The following CPNE8 variants were observed in gnomAD, a reference collection of about 807,000 sequenced individuals.
CPNE8 encodes the protein copine 8.
Under a neutral mutation model 81.5 loss-of-function variants are expected in CPNE8, and 45 were observed. The ratio of observed to expected loss-of-function variants is 0.55; its 90% confidence interval spans 0.44 to 0.71. The LOEUF (loss-of-function observed/expected upper bound fraction) is 0.71. Among genes scored for constraint, CPNE8 ranks in the 30% least tolerant of loss-of-function variants. The pLI, the probability that CPNE8 is intolerant of heterozygous loss-of-function variation, is 0.00. For missense variants in CPNE8, 594 were observed against 672.1 expected (o/e 0.88, Z 1.28); for synonymous variants, 252 against 226.3 (o/e 1.11, Z -1.02).
At chr12:38,710,238 AAT>A (rs1023419780) in intron 13 of CPNE8, among the ~76,000 whole-genome samples, 1 of 138,018 alleles carries the variant, frequency 7.2e-6, no homozygotes, top group African/African-American at 2.6e-5. Flanking sequence ...ATAGTTAGAA[AAT>A]ATATGTGACA....
At chr12:38,738,572 T>C (rs543501700) in intron 10 of CPNE8, among the ~76,000 whole-genome samples, 2 of 152,314 alleles carry the variant, frequency 1.3e-5, no homozygotes, top group Non-Finnish European at 2.9e-5. Context: ...CCTACCACTT[T>C]AGTGACATTT....
intron 14 of CPNE8, among the ~76,000 whole-genome samples, chr12:38,697,893 A>G (rs968480497): frequency 6.6e-6 from 1 of 152,200 alleles, no homozygotes; most frequent in East Asian, 1.9e-4. Flanking sequence ...GGGCCTCACC[A>G]GAAGCCAAGC....
At chr12:38,691,426 G>A (rs183696465) in intron 15 of CPNE8, among the ~76,000 whole-genome samples, 348 of 152,166 alleles carry the variant, frequency 2.3e-3, no homozygotes, top group Non-Finnish European at 3.7e-3. Flanking sequence ...TATGTGACTC[G>A]ATACTCAGTA....
At chr12:38,817,508 C>T (rs1183806198) in intron 6 of CPNE8, among the ~76,000 whole-genome samples, 2 of 151,398 alleles carry the variant, frequency 1.3e-5, no homozygotes, top group Admixed American at 6.6e-5. Flanking sequence ...TCCCTGGGAG[C>T]TCTTCTTGCA....
At chr12:38,799,577 G>T (rs1670817443) in intron 6 of CPNE8, among the ~76,000 whole-genome samples, 1 of 152,072 alleles carries the variant, frequency 6.6e-6, no homozygotes, top group African/African-American at 2.4e-5. Flanking sequence ...AGCACTAAAT[G>T]CCCACAAGAG....
At chr12:38,882,788 A>C (rs755409119) in intron 1 of CPNE8, among the ~76,000 whole-genome samples, 4 of 152,122 alleles carry the variant, frequency 2.6e-5, no homozygotes, top group African/African-American at 9.7e-5. Context: ...TATCCATATT[A>C]TTTCTTACAG....
chr12:38,733,693 T>C (rs541971127), intron 10 of CPNE8, among the ~76,000 whole-genome samples: 1 of 152,082 alleles, frequency 6.6e-6, no homozygotes, highest in African/African-American at 2.4e-5. Flanking sequence ...TTATTACATG[T>C]ATGTGTTATT....
chr12:38,902,381 AAAAG>A lies in CPNE8; in HGVS notation c.98+3052_98+3055del, dbSNP rs1435832986. 2.1e-3 allele frequency among the ~76,000 whole-genome samples: 123 copies of A among 57,718 alleles called. 3 individuals are homozygous for A. Among genetic ancestry groups the A allele is most frequent in the African/African-American group, 3.2e-3 (35 of 11,018 alleles). 37.9% of individuals were successfully genotyped at this position (57,718 alleles called of 152,430 possible). A position where few individuals can be genotyped will look rare whatever the true frequency, so the allele number is the denominator to read the frequency against. ...GAAAGAAAGAAAGAAAGAAAGAAAG[AAAAG>A]AAAGAAAGAGAAAGAAAGAAAGAAA... On this transcript the variant is annotated intron_variant, in intron 1 of 19. Coordinates refer to ENST00000331366, the MANE Select transcript of CPNE8 (RefSeq NM_153634.3).
At chr12:38,781,992 T>A (rs768050770) in intron 6 of CPNE8, among the ~76,000 whole-genome samples, 1 of 152,096 alleles carries the variant, frequency 6.6e-6, no homozygotes, top group Non-Finnish European at 1.5e-5. Flanking sequence ...TCTGAATGAA[T>A]TCTGGTATAA....
At chr12:38,785,496 G>A (rs1262486742) in intron 6 of CPNE8, among the ~76,000 whole-genome samples, 2 of 152,156 alleles carry the variant, frequency 1.3e-5, no homozygotes, top group Non-Finnish European at 2.9e-5. Context: ...TTCCCAGGCT[G>A]TTCTTGTGAT....
intron 8 of CPNE8, among the ~76,000 whole-genome samples, chr12:38,762,425 T>A (rs760956758): frequency 2.7e-4 from 41 of 152,148 alleles, no homozygotes; most frequent in Non-Finnish European, 5.0e-4. Flanking sequence ...CCAAAAACAA[T>A]CTGAAAATTC....
chr12:38,777,946 G>A (rs957703231), intron 6 of CPNE8, among the ~76,000 whole-genome samples: 2 of 152,080 alleles, frequency 1.3e-5, no homozygotes, highest in Non-Finnish European at 2.9e-5. Flanking sequence ...ACCCTATTGT[G>A]AACTGAGAGG....
chr12:38,764,264 G>A (rs1312639578), intron 8 of CPNE8, among the ~76,000 whole-genome samples: 1 of 152,156 alleles, frequency 6.6e-6, no homozygotes, highest in Admixed American at 6.5e-5. Flanking sequence ...GGGCAAGTTA[G>A]GGGAGGGCTG....
Position 38,668,946 on chromosome 12 carries a change from C to G in CPNE8, c.1506+1783G>C, listed in dbSNP as rs574912320. 2.6e-5 allele frequency among the ~76,000 whole-genome samples: 4 copies of G among 151,970 alleles called. No individual in the cohort carries two copies. In the East Asian group the frequency reaches 5.8e-4, roughly 22 times the overall value. ...GCAGGCACCTGTAGTCCCAGCTACT[C>G]GAGAGGCTGAGGCAGGAGAATGACG... On this transcript the variant is annotated intron_variant, in intron 19 of 19. Coordinates refer to ENST00000331366, the MANE Select transcript of CPNE8 (RefSeq NM_153634.3).
At chr12:38,746,393 A>G (rs1471658180) in intron 10 of CPNE8, among the ~76,000 whole-genome samples, 5 of 152,210 alleles carry the variant, frequency 3.3e-5, no homozygotes, top group African/African-American at 4.8e-5. Context: ...GCATGTTACA[A>G]TATAAATAAA....
chr12:38,902,168 G>A (rs576439104), intron 1 of CPNE8, among the ~76,000 whole-genome samples: 3 of 110,346 alleles, frequency 2.7e-5, no homozygotes, highest in Admixed American at 9.7e-5. Flanking sequence ...GAAAAGAAAA[G>A]GAAAGGAAAG....
At chr12:38,717,103 T>TG (rs911309538) in intron 13 of CPNE8, among the ~76,000 whole-genome samples, 1 of 151,880 alleles carries the variant, frequency 6.6e-6, no homozygotes, top group African/African-American at 2.4e-5. Flanking sequence ...ACCTTATTCC[T>TG]GCAAGAACAG....
intron 16 of CPNE8, among the ~76,000 whole-genome samples, chr12:38,682,506 C>T (rs888097872): frequency 6.6e-6 from 1 of 151,926 alleles, no homozygotes; most frequent in Non-Finnish European, 1.5e-5. Flanking sequence ...TGCAGTGAGC[C>T]GAGATCATCC....
chr12:38,712,485 T>C (rs1940284418), intron 13 of CPNE8, among the ~76,000 whole-genome samples: 1 of 152,174 alleles, frequency 6.6e-6, no homozygotes, highest in Admixed American at 6.5e-5. Context: ...AGTGCTGGGA[T>C]TACAGGTGTG....
Sources: gnomAD v4.1 joint callset for allele counts (sites outside exome capture counted in the v4.1 genomes callset) on GRCh38, gnomAD v4.1.1 for gene constraint, MANE v1.5 for transcripts, NCBI Gene and HGNC (gene_info 2026-07-23, HGNC 2026-07-21) for gene names.